SOX5: variants seen among roughly 807,000 people sequenced by gnomAD.
The protein encoded by SOX5 is SRY-box transcription factor 5.
In SOX5, 9 loss-of-function variants were observed where a neutral mutation model predicts 92.0. The ratio of observed to expected loss-of-function variants is 0.10; its 90% CI spans 0.06 to 0.17. The LOEUF (loss-of-function observed/expected upper bound fraction) is 0.17, where lower values mean the gene tolerates loss of function less well. Among genes scored for constraint, SOX5 ranks in the 10% least tolerant of loss-of-function variants. SOX5 has a pLI of 1.00. For synonymous variants in SOX5, 344 were observed against 336.3 expected (o/e 1.02, Z -0.25); for missense variants, 642 against 944.5 (o/e 0.68, Z 4.20).
chr12:24,355,824 C>G (rs1410777381), intron 2 of SOX5, among the ~76,000 whole-genome samples: 1 of 152,088 alleles, frequency 6.6e-6, no homozygotes, highest in Non-Finnish European at 1.5e-5. Flanking sequence ...CAAAAAGATC[C>G]AATATAAATA....
chr12:23,837,236 TTATATAATA>T (rs1437531599), intron 3 of SOX5, among the ~76,000 whole-genome samples: 2 of 81,186 alleles, frequency 2.5e-5, no homozygotes, highest in African/African-American at 3.4e-5. Context: ...TAATATATAT[TTATATAATA>T]TATATTTATA....
intron 14 of SOX5, among the ~76,000 whole-genome samples, 168 bp downstream of exon 14, chr12:23,536,285 T>C (rs1415045006): frequency 1.3e-5 from 2 of 152,222 alleles, no homozygotes; most frequent in East Asian, 3.9e-4. Context: ...AGTGGATTCA[T>C]ATGGACATAT....
At chr12:24,254,534 A>G (rs1940790136) in intron 3 of SOX5, among the ~76,000 whole-genome samples, 1 of 152,072 alleles carries the variant, frequency 6.6e-6, no homozygotes, top group African/African-American at 2.4e-5. Flanking sequence ...TTCATAATAA[A>G]GTGCTGAATA....
intron 11 of SOX5, among the ~76,000 whole-genome samples, chr12:23,557,819 C>CA (rs954546522): frequency 2.7e-4 from 41 of 151,796 alleles, no homozygotes; most frequent in Admixed American, 3.9e-4. Context: ...ACTGAAAATA[C>CA]AAAAAAATTA....
At chr12:23,734,603 C>T (rs992722838) in intron 6 of SOX5, 81 bp downstream of exon 6, 2 of 1,013,708 alleles carry the variant, frequency 2.0e-6, no homozygotes, top group African/African-American at 3.3e-5. Flanking sequence ...TTTTGGAGGT[C>T]ATTTCAGTTA....
chr12:24,313,412 C>T (rs1423717928), intron 2 of SOX5, among the ~76,000 whole-genome samples: 3 of 152,092 alleles, frequency 2.0e-5, no homozygotes, highest in African/African-American at 7.2e-5. Flanking sequence ...TGCCTGTATT[C>T]CCAGCTACTC....
chr12:23,996,303 C>G (rs1303016873), intron 4 of SOX5, among the ~76,000 whole-genome samples: 1 of 152,070 alleles, frequency 6.6e-6, no homozygotes, highest in Non-Finnish European at 1.5e-5. Flanking sequence ...CTGCTTCACA[C>G]CTGGTAGGAT....
chr12:24,368,944 G>A (rs1956437641), intron 1 of SOX5, among the ~76,000 whole-genome samples: 1 of 152,156 alleles, frequency 6.6e-6, no homozygotes, highest in African/African-American at 2.4e-5. Context: ...TTTGGAGTTA[G>A]GCCAACAGAG....
chr12:24,280,134 A>T (rs12579465), intron 2 of SOX5, among the ~76,000 whole-genome samples: 19,169 of 152,216 alleles, frequency 0.13, 1,461 homozygotes, highest in Non-Finnish European at 0.17. Context: ...TAGTGTCTGA[A>T]TCCTATTTAC....
At chr12:23,624,670 T>C (rs1188580412) in intron 8 of SOX5, among the ~76,000 whole-genome samples, 1 of 152,144 alleles carries the variant, frequency 6.6e-6, no homozygotes, top group Admixed American at 6.5e-5. Context: ...GAGGAGGAGA[T>C]TGGAGAATTG....
At chr12:24,144,402 G>A (rs1025892679) in intron 4 of SOX5, among the ~76,000 whole-genome samples, 5 of 152,108 alleles carry the variant, frequency 3.3e-5, no homozygotes, top group East Asian at 1.9e-4. Context: ...GATGTTATAA[G>A]CTTTTCTAAT....
intron 3 of SOX5, among the ~76,000 whole-genome samples, chr12:23,804,648 C>A (rs2095724777): frequency 6.6e-6 from 1 of 151,706 alleles, no homozygotes; most frequent in South Asian, 2.1e-4. Flanking sequence ...TCTGATGGTA[C>A]CCGATGCATT....
At chr12:24,329,812 C>T (rs1951092704) in intron 2 of SOX5, among the ~76,000 whole-genome samples, 1 of 152,172 alleles carries the variant, frequency 6.6e-6, no homozygotes, top group East Asian at 1.9e-4. Flanking sequence ...CATCTGAGGT[C>T]AGGAGTTTGA....
intron 12 of SOX5, among the ~76,000 whole-genome samples, chr12:23,545,139 C>G (rs992277895): frequency 6.6e-6 from 1 of 152,266 alleles, no homozygotes; most frequent in South Asian, 2.1e-4. Flanking sequence ...TTAGTATAGA[C>G]CTGGTCTTAA....
intron 4 of SOX5, among the ~76,000 whole-genome samples, chr12:24,128,361 C>T (rs1393550862): frequency 6.6e-6 from 1 of 152,162 alleles, no homozygotes; most frequent in Non-Finnish European, 1.5e-5. Flanking sequence ...ACTCCTTGCT[C>T]ATGAAACAGA....
At chr12:23,880,396 CTGAG>C (rs1224074612) in intron 2 of SOX5, among the ~76,000 whole-genome samples, 1 of 152,112 alleles carries the variant, frequency 6.6e-6, no homozygotes, top group Non-Finnish European at 1.5e-5. Context: ...ATAGCACTTA[CTGAG>C]TAAGAAAATT....
chr12:24,362,664 T>C (rs1341430585), intron 2 of SOX5, among the ~76,000 whole-genome samples: 5 of 151,930 alleles, frequency 3.3e-5, no homozygotes, highest in Non-Finnish European at 1.5e-5. Context: ...GACAGGACTC[T>C]GTGATCAGGT....
At chr12:24,187,437 A>C (rs930976523) in intron 4 of SOX5, among the ~76,000 whole-genome samples, 1 of 152,238 alleles carries the variant, frequency 6.6e-6, no homozygotes, top group Non-Finnish European at 1.5e-5. Context: ...ACAAAGTATT[A>C]CATCAAAGAA....
intron 3 of SOX5, among the ~76,000 whole-genome samples, chr12:24,232,117 C>T (rs1401436208): frequency 6.6e-6 from 1 of 151,584 alleles, no homozygotes; most frequent in African/African-American, 2.4e-5. Context: ...TCTTTTTTTT[C>T]CCTGTCCACC....
Sources: gnomAD v4.1 joint callset for allele counts (sites outside exome capture counted in the v4.1 genomes callset) on GRCh38, gnomAD v4.1.1 for gene constraint, MANE v1.5 for transcripts, NCBI Gene and HGNC (gene_info 2026-07-23, HGNC 2026-07-21) for gene names.